Variants in IKZF3 observed in about 807,000 individuals in gnomAD.
IKZF3 encodes the protein zinc finger protein Aiolos.
In IKZF3, 10 loss-of-function variants were observed where a neutral mutation model predicts 49.0. That is an observed-to-expected ratio of 0.20 (90% CI 0.13 to 0.35). IKZF3 has a LOEUF of 0.35. Among genes scored for constraint, IKZF3 ranks in the 10% least tolerant of loss-of-function variants. IKZF3 has a pLI of 1.00. For missense variants in IKZF3, 498 were observed against 664.8 expected (o/e 0.75, Z 2.76); for synonymous variants, 209 against 228.2 (o/e 0.92, Z 0.76).
At chr17:39,809,239 G>T (rs985034739) in intron 3 of IKZF3, among the ~76,000 whole-genome samples, 1 of 152,184 alleles carries the variant, frequency 6.6e-6, no homozygotes. Flanking sequence ...TGTTTAGACA[G>T]TATCACCCAG....
chr17:39,841,353 G>A (rs2062460900), intron 1 of IKZF3, among the ~76,000 whole-genome samples: 1 of 152,040 alleles, frequency 6.6e-6, no homozygotes, highest in Admixed American at 6.6e-5. Context: ...CCCCACTAGA[G>A]GCTAAATGGA....
At chr17:39,823,487 C>A (rs1466449688) in intron 3 of IKZF3, among the ~76,000 whole-genome samples, 1 of 152,214 alleles carries the variant, frequency 6.6e-6, no homozygotes, top group South Asian at 2.1e-4. Context: ...TAATGAGGTG[C>A]CTAATGTTAA....
intron 7 of IKZF3, among the ~76,000 whole-genome samples, chr17:39,776,511 T>C (rs941357033): frequency 2.0e-5 from 3 of 152,206 alleles, no homozygotes; most frequent in African/African-American, 7.2e-5. Flanking sequence ...AACTGAAATA[T>C]ACCAACTTTT....
At chr17:39,769,208 G>A (rs1053199743) in intron 7 of IKZF3, among the ~76,000 whole-genome samples, 5 of 152,218 alleles carry the variant, frequency 3.3e-5, no homozygotes, top group African/African-American at 1.2e-4. Context: ...ACTGTAGGGT[G>A]TGAATCCGAA....
At chr17:39,785,411 A>T (rs919919811) in intron 6 of IKZF3, among the ~76,000 whole-genome samples, 5 of 152,214 alleles carry the variant, frequency 3.3e-5, no homozygotes, top group Non-Finnish European at 7.3e-5. Context: ...GACTTAAAGT[A>T]TGGTGCACGC....
chr17:39,859,876 C>A (rs2063168036), intron 1 of IKZF3, among the ~76,000 whole-genome samples: 1 of 152,144 alleles, frequency 6.6e-6, no homozygotes, highest in South Asian at 2.1e-4. Flanking sequence ...CTGTGTTAAT[C>A]ACTCAGTTCT....
intron 7 of IKZF3, among the ~76,000 whole-genome samples, chr17:39,772,121 G>A (rs939712950): frequency 2.2e-4 from 33 of 152,090 alleles, no homozygotes; most frequent in Non-Finnish European, 4.7e-4. Flanking sequence ...AGAAGAGGGA[G>A]GAGGAGTTCA....
At chr17:39,814,175 A>T (rs964319300) in intron 3 of IKZF3, among the ~76,000 whole-genome samples, 1 of 152,194 alleles carries the variant, frequency 6.6e-6, no homozygotes, top group African/African-American at 2.4e-5. Flanking sequence ...AAGAAGAATT[A>T]TTTTTTTCAG....
chr17:39,766,024 G>A lies in IKZF3; in HGVS notation c.1296C>T (p.Pro432=), dbSNP rs375713832. ...PRSYELLKPP[P]ICPRDSVKVI... ...CTTTGACGGAGTCTCTTGGGCAGAT[G>A]GGCGGGGGCTTGAGGAGTTCGTAAG... Residue 432 remains proline, a synonymous_variant, in exon 8 of 8, where the codon CCC becomes CCT. Coordinates refer to ENST00000346872, the MANE Select transcript of IKZF3 (RefSeq NM_012481.5). The A allele has an allele frequency of 1.9e-6, 3 of 1,614,210 alleles. No individual in the cohort carries two copies. The highest frequency in any genetic ancestry group is 2.5e-6 in the Non-Finnish European group (3 of 1,180,032).
chr17:39,791,614 G>T (rs764929304), intron 4 of IKZF3, 31 bp from the exon 5 acceptor site: 2 of 1,610,638 alleles, frequency 1.2e-6, no homozygotes, highest in South Asian at 2.2e-5. Flanking sequence ...GAGATTTCTG[G>T]TCACAGGCAA....
At chr17:39,802,654 G>A (rs1310325928) in intron 3 of IKZF3, among the ~76,000 whole-genome samples, 2 of 150,322 alleles carry the variant, frequency 1.3e-5, no homozygotes, top group African/African-American at 2.4e-5. Context: ...AAATAGCCAG[G>A]TATGGTAGAA....
At chr17:39,808,457 C>CTA (rs1256520640) in intron 3 of IKZF3, among the ~76,000 whole-genome samples, 1 of 152,110 alleles carries the variant, frequency 6.6e-6, no homozygotes, top group African/African-American at 2.4e-5. Flanking sequence ...CTAAATTGGG[C>CTA]TAAAATTCAT....
At chr17:39,784,606 G>T (rs2060827892) in intron 6 of IKZF3, among the ~76,000 whole-genome samples, 1 of 152,138 alleles carries the variant, frequency 6.6e-6, no homozygotes. Flanking sequence ...GTTTCAACAT[G>T]TTGGCCAAGA....
intron 1 of IKZF3, among the ~76,000 whole-genome samples, chr17:39,853,336 G>A (rs902336080): frequency 1.3e-5 from 2 of 152,086 alleles, no homozygotes; most frequent in Non-Finnish European, 2.9e-5. Flanking sequence ...TATAATAAAT[G>A]TATTACAAGA....
intron 6 of IKZF3, among the ~76,000 whole-genome samples, chr17:39,783,086 A>G (rs1414102850): frequency 2.0e-5 from 3 of 152,166 alleles, no homozygotes; most frequent in Admixed American, 6.5e-5. Context: ...TTTTTGTTCA[A>G]AATCCTTCAT....
chr17:39,827,951 G>A (rs2144270448), intron 3 of IKZF3, among the ~76,000 whole-genome samples: 1 of 152,304 alleles, frequency 6.6e-6, no homozygotes, highest in East Asian at 1.9e-4. Context: ...CTGTTTTTCT[G>A]GTGGATTAGG....
At chr17:39,806,181 C>A (rs1016536388) in intron 3 of IKZF3, among the ~76,000 whole-genome samples, 2 of 151,954 alleles carry the variant, frequency 1.3e-5, no homozygotes, top group African/African-American at 4.8e-5. Context: ...AATATCTATA[C>A]CTAATAGGGC....
chr17:39,846,172 A>G (rs2062625078), intron 1 of IKZF3, among the ~76,000 whole-genome samples: 1 of 152,174 alleles, frequency 6.6e-6, no homozygotes, highest in Admixed American at 6.5e-5. Flanking sequence ...TTTTCCATTA[A>G]CACCTTATCT....
intron 6 of IKZF3, among the ~76,000 whole-genome samples, chr17:39,782,843 A>T (rs1352444098): frequency 6.6e-6 from 1 of 152,206 alleles, no homozygotes; most frequent in Non-Finnish European, 1.5e-5. Context: ...ATTTCCCTTC[A>T]CATTGCTTGC....
Sources: allele counts gnomAD v4.1 joint callset (sites outside exome capture counted in the v4.1 genomes callset), GRCh38; gene constraint gnomAD v4.1.1; transcripts MANE v1.5; gene names NCBI Gene and HGNC (gene_info 2026-07-23, HGNC 2026-07-21).